Variants in GALNT8 observed in about 807,000 individuals in gnomAD.
GALNT8 encodes polypeptide N-acetylgalactosaminyltransferase 8.
Under a neutral mutation model 62.7 loss-of-function variants are expected in GALNT8, and 66 were observed. The observed-to-expected ratio is 1.05, with a 90% CI of 0.86 to 1.29. The LOEUF is 1.29. Ranked by LOEUF, GALNT8 falls within the 50% of genes most tolerant of loss-of-function variation. The pLI is 0.00. For synonymous variants in GALNT8, 288 were observed against 294.3 expected (o/e 0.98, Z 0.22); for missense variants, 771 against 791.8 (o/e 0.97, Z 0.32).
At position 4,734,760 on chromosome 12, in the gene GALNT8, C is replaced by A. The variant is rs117692922; in HGVS notation, c.510-4403C>A. Reference sequence around the variant, plus strand: ...TCCAGTCTTCCTAGCTTCCAATGTCCAGCCCCTCTGGTCTGTCCGTCCTCA... The same window carrying A: ...TCCAGTCTTCCTAGCTTCCAATGTCAAGCCCCTCTGGTCTGTCCGTCCTCA... On this transcript the variant is annotated intron_variant, in intron 2 of 10. Coordinates refer to ENST00000252318, the MANE Select transcript of GALNT8 (RefSeq NM_017417.2). Among the ~76,000 whole-genome samples, 674 of 152,132 alleles carry A rather than the reference C, an allele frequency of 4.4e-3. 2 individuals carry two copies. The highest frequency in any genetic ancestry group is 7.3e-3 in the Non-Finnish European group (498 of 67,984).
At chr12:4,731,054 T>C (rs1461052734) in intron 2 of GALNT8, among the ~76,000 whole-genome samples, 1 of 152,052 alleles carries the variant, frequency 6.6e-6, no homozygotes, top group Non-Finnish European at 1.5e-5. Context: ...TTCACCATGG[T>C]CTCTATCTCC....
At chr12:4,768,317 A>G (rs73264347) in intron 10 of GALNT8, 84 of 261,116 alleles carry the variant, frequency 3.2e-4, no homozygotes, top group African/African-American at 1.8e-3. Flanking sequence ...TAATAGCTAT[A>G]CTTTATCCTA....
intron 6 of GALNT8, among the ~76,000 whole-genome samples, chr12:4,752,543 A>AG (rs1411081346): frequency 6.6e-6 from 1 of 151,616 alleles, no homozygotes; most frequent in Non-Finnish European, 1.5e-5. Flanking sequence ...TGAAAAAAAA[A>AG]AAAACTAATA....
At chr12:4,731,290 T>G (rs1946221096) in intron 2 of GALNT8, among the ~76,000 whole-genome samples, 2 of 152,252 alleles carry the variant, frequency 1.3e-5, no homozygotes, top group South Asian at 4.1e-4. Flanking sequence ...GATTTCCTTT[T>G]TCGACAGTTT....
intron 6 of GALNT8, among the ~76,000 whole-genome samples, chr12:4,754,632 A>G (rs1175912426): frequency 6.6e-6 from 1 of 152,086 alleles, no homozygotes; most frequent in Non-Finnish European, 1.5e-5. Flanking sequence ...CAGAAATGCC[A>G]TCTAAGAGTC....
rs1198958759 is a variant in GALNT8 at position 4,746,256 on chromosome 12, AG to A, written c.1173+1del. 6.5e-7 allele frequency: 1 copy of A among 1,542,778 alleles called. No homozygotes were observed. The highest frequency in any genetic ancestry group is 1.7e-5 in the Admixed American group (1 of 59,932). On this transcript the variant is annotated frameshift_variant and splice_region_variant, in exon 6 of 11. Coordinates refer to ENST00000252318, the MANE Select transcript of GALNT8 (RefSeq NM_017417.2). LOFTEE classifies it high-confidence loss of function. ...AGGAGAGAACGTGGAGCTTAGCCTGAGGGTGGGTACATTTCCCTTTTCTTTA... is the reference window on the plus strand; with the variant it reads ...AGGAGAGAACGTGGAGCTTAGCCTGAGGTGGGTACATTTCCCTTTTCTTTA... ...YGGENVELSLRVWQCGGKVEI... is the reference protein window; with the variant it reads ...YGGENVELSLXVWQCGGKVEI...
intron 6 of GALNT8, among the ~76,000 whole-genome samples, chr12:4,758,629 TGTGTGTGTGAGAGAGAGA>T (rs1176172713): frequency 6.4e-4 from 67 of 104,566 alleles, no homozygotes; most frequent in Admixed American, 2.5e-3. Flanking sequence ...TGTGTGTGTG[TGTGTGTGTGAGAGAGAGA>T]GAGAGAGAGA....
chr12:4,742,330 T>A (rs956840723), intron 3 of GALNT8, among the ~76,000 whole-genome samples: 1 of 152,254 alleles, frequency 6.6e-6, no homozygotes, highest in Non-Finnish European at 1.5e-5. Flanking sequence ...ATGTTAAATG[T>A]CACTCAAATG....
chr12:4,765,769 C>G (rs1211380750), intron 10 of GALNT8, among the ~76,000 whole-genome samples: 1 of 152,110 alleles, frequency 6.6e-6, no homozygotes, highest in Non-Finnish European at 1.5e-5. Context: ...TCTATGGCCA[C>G]TATGTCAAGA....
At chr12:4,745,339 C>A in intron 4 of GALNT8, 90 bp from the exon 5 acceptor site, 1 of 812,350 alleles carries the variant, frequency 1.2e-6, no homozygotes, top group Non-Finnish European at 2.2e-6. Context: ...TACTCAATGT[C>A]AGGGCAAGGT....
intron 1 of GALNT8, among the ~76,000 whole-genome samples, chr12:4,721,114 A>G (rs1946166030): frequency 6.6e-6 from 1 of 151,860 alleles, no homozygotes; most frequent in South Asian, 2.1e-4. Context: ...GGAGGTGAGC[A>G]TGTGTGTGTG....
intron 2 of GALNT8, among the ~76,000 whole-genome samples, chr12:4,730,590 T>C (rs1020649468): frequency 6.6e-6 from 1 of 152,204 alleles, no homozygotes; most frequent in Non-Finnish European, 1.5e-5. Context: ...TATGGCAGTA[T>C]CATGCTGTTT....
chr12:4,723,145 C>T (rs1464994010), intron 1 of GALNT8, among the ~76,000 whole-genome samples: 1 of 152,076 alleles, frequency 6.6e-6, no homozygotes, highest in Admixed American at 6.5e-5. Flanking sequence ...TTTCCATGAA[C>T]GTCTCATTCA....
At chr12:4,727,538 A>G (rs1206691809) in intron 2 of GALNT8, among the ~76,000 whole-genome samples, 1 of 152,202 alleles carries the variant, frequency 6.6e-6, no homozygotes, top group Non-Finnish European at 1.5e-5. Context: ...TCCATAGGCA[A>G]CCACCACTAA....
At chr12:4,738,990 A>G (rs943924893) in intron 2 of GALNT8, among the ~76,000 whole-genome samples, 173 bp from the exon 3 acceptor site, 2 of 152,218 alleles carry the variant, frequency 1.3e-5, no homozygotes, top group African/African-American at 4.8e-5. Flanking sequence ...TTTTGGATAA[A>G]TGAATATAAA....
chr12:4,739,902 C>T (rs372757892), intron 3 of GALNT8, among the ~76,000 whole-genome samples: 7 of 152,078 alleles, frequency 4.6e-5, no homozygotes, highest in African/African-American at 1.4e-4. Context: ...CTCCTGACCT[C>T]GTGATCCGCC....
At chr12:4,739,796 C>G (rs1946263487) in intron 3 of GALNT8, among the ~76,000 whole-genome samples, 1 of 151,916 alleles carries the variant, frequency 6.6e-6, no homozygotes, top group Non-Finnish European at 1.5e-5. Flanking sequence ...TCCCGAGTAG[C>G]TGGGACTACA....
intron 10 of GALNT8, among the ~76,000 whole-genome samples, chr12:4,766,371 C>T (rs1355062542): frequency 4.6e-5 from 7 of 152,074 alleles, no homozygotes; most frequent in Non-Finnish European, 1.0e-4. Flanking sequence ...CTTCTGTATG[C>T]GACTTTTGGG....
intron 6 of GALNT8, among the ~76,000 whole-genome samples, chr12:4,758,623 TG>T: frequency 1.1e-5 from 1 of 93,746 alleles, no homozygotes; most frequent in East Asian, 2.7e-4. Flanking sequence ...TGTGTGTGTG[TG>T]TGTGTGTGTG....
Sources: gnomAD v4.1 joint callset for allele counts (sites outside exome capture counted in the v4.1 genomes callset) on GRCh38, gnomAD v4.1.1 for gene constraint, MANE v1.5 for transcripts, NCBI Gene and HGNC (gene_info 2026-07-23, HGNC 2026-07-21) for gene names.